The following ZFHX3 variants were observed in gnomAD, a reference collection of about 807,000 sequenced individuals.
ZFHX3 encodes zinc finger homeobox 3, also known as zinc finger homeobox protein 3.
A neutral mutation model predicts 279.1 loss-of-function variants in ZFHX3; 42 were observed. That is an observed-to-expected ratio of 0.15 (90% CI 0.12 to 0.19). ZFHX3 has a LOEUF of 0.19. Ranked by LOEUF, ZFHX3 falls within the 10% of genes least tolerant of loss-of-function variation. The pLI is 1.00. For synonymous variants in ZFHX3, 2,293 were observed against 1,957.8 expected, an observed-to-expected ratio of 1.17 and a Z score of -4.52; for missense variants, 4,981 against 4,754.0, an observed-to-expected ratio of 1.05 and a Z score of -1.40.
intron 3 of ZFHX3, among the ~76,000 whole-genome samples, chr16:73,372,276 A>C (rs1460451780): frequency 6.6e-6 from 1 of 152,194 alleles, no homozygotes; most frequent in Admixed American, 6.5e-5. Context: ...CATGTCTGTG[A>C]TCTATTAAAC....
intron 4 of ZFHX3, among the ~76,000 whole-genome samples, chr16:72,867,751 G>C (rs1332991462): frequency 6.6e-6 from 1 of 151,654 alleles, no homozygotes; most frequent in Non-Finnish European, 1.5e-5. Flanking sequence ...AAGAAGAAGG[G>C]ATGCTGTCTG....
intron 7 of ZFHX3, chr16:72,809,324 C>T (rs1264785832): frequency 6.6e-6 from 1 of 152,138 alleles, no homozygotes; most frequent in Non-Finnish European, 1.5e-5. Flanking sequence ...CTTCCCTCCC[C>T]ACATCTCTTT....
At chr16:72,951,203 T>C (rs905646811) in intron 2 of ZFHX3, among the ~76,000 whole-genome samples, 8 of 152,226 alleles carry the variant, frequency 5.3e-5, no homozygotes, top group Admixed American at 4.6e-4. Context: ...TGTATTTTCT[T>C]TCTTTAGGAA....
At chr16:73,783,537 C>A (rs1389458620) in intron 1 of ZFHX3, among the ~76,000 whole-genome samples, 3 of 152,116 alleles carry the variant, frequency 2.0e-5, no homozygotes, top group African/African-American at 7.2e-5. Flanking sequence ...CTGGAAAAAC[C>A]CCAGAGGGAA....
intron 3 of ZFHX3, among the ~76,000 whole-genome samples, chr16:73,366,453 T>TG (rs1261451842): frequency 5.3e-5 from 8 of 152,034 alleles, no homozygotes; most frequent in Non-Finnish European, 1.2e-4. Context: ...AGACAGGGGC[T>TG]GGGCATGGTG....
intron 1 of ZFHX3, among the ~76,000 whole-genome samples, chr16:73,819,021 T>C (rs1960659373): frequency 6.6e-6 from 1 of 152,162 alleles, no homozygotes; most frequent in Non-Finnish European, 1.5e-5. Context: ...TTGATCTCTG[T>C]GTCCAAGCAC....
intron 4 of ZFHX3, among the ~76,000 whole-genome samples, chr16:73,308,266 TA>T (rs2015237560): frequency 1.0e-3 from 26 of 25,884 alleles, no homozygotes; most frequent in Admixed American, 2.9e-3. Context: ...TATATATATA[TA>T]TATATATATA....
intron 4 of ZFHX3, among the ~76,000 whole-genome samples, chr16:72,839,436 C>A (rs2037288399): frequency 6.6e-6 from 1 of 152,098 alleles, no homozygotes; most frequent in Non-Finnish European, 1.5e-5. Context: ...TAACCTCACA[C>A]CAAACTGGAA....
chr16:73,397,603 C>T (rs1158755848), intron 3 of ZFHX3, among the ~76,000 whole-genome samples: 2 of 152,110 alleles, frequency 1.3e-5, no homozygotes, highest in East Asian at 3.9e-4. Context: ...GACAGAATGG[C>T]AGTGGTTCAG....
chr16:73,580,841 T>G (rs760331939), intron 2 of ZFHX3, among the ~76,000 whole-genome samples: 3 of 151,864 alleles, frequency 2.0e-5, no homozygotes, highest in Non-Finnish European at 2.9e-5. Flanking sequence ...CATTCATGTG[T>G]TTTTGTGTTC....
intron 2 of ZFHX3, among the ~76,000 whole-genome samples, chr16:73,505,487 T>C (rs2019310814): frequency 6.6e-6 from 1 of 151,680 alleles, no homozygotes; most frequent in African/African-American, 2.4e-5. Flanking sequence ...TCCTTATTCC[T>C]AAGAAACCTG....
chr16:73,504,810 G>GT (rs2019296850), intron 2 of ZFHX3: 1 of 152,228 alleles, frequency 6.6e-6, no homozygotes, highest in Non-Finnish European at 1.5e-5. Flanking sequence ...GGAGTGCTTG[G>GT]TTGGGGGGGC....
At chr16:73,527,634 G>GCTGT (rs1202710949) in intron 2 of ZFHX3, among the ~76,000 whole-genome samples, 1 of 152,150 alleles carries the variant, frequency 6.6e-6, no homozygotes, top group Non-Finnish European at 1.5e-5. Flanking sequence ...CTACTAAAAG[G>GCTGT]CTGTGGCTTC....
intron 8 of ZFHX3, among the ~76,000 whole-genome samples, chr16:73,072,444 C>CAA (rs71156138): frequency 1.0e-5 from 1 of 97,758 alleles, no homozygotes; most frequent in Admixed American, 9.9e-5. Context: ...AACTCCGTCT[C>CAA]AAAAAAAAAA....
At chr16:73,539,261 C>T (rs1407179399) in intron 2 of ZFHX3, among the ~76,000 whole-genome samples, 1 of 151,806 alleles carries the variant, frequency 6.6e-6, no homozygotes, top group African/African-American at 2.4e-5. Flanking sequence ...TGCATTCAAG[C>T]CATGAGTTTG....
At chr16:73,170,746 C>G (rs1814087724) in intron 5 of ZFHX3, among the ~76,000 whole-genome samples, 1 of 152,262 alleles carries the variant, frequency 6.6e-6, no homozygotes, top group African/African-American at 2.4e-5. Context: ...ACCTCGGGAT[C>G]TTCCTGTCTG....
At chr16:73,112,649 G>A (rs1966388366) in intron 7 of ZFHX3, among the ~76,000 whole-genome samples, 1 of 146,482 alleles carries the variant, frequency 6.8e-6, no homozygotes, top group Non-Finnish European at 1.5e-5. Flanking sequence ...CCGGGAGGTG[G>A]AGGTTGCAGT....
chr16:73,485,170 G>C (rs2018950948), intron 2 of ZFHX3, among the ~76,000 whole-genome samples: 1 of 152,112 alleles, frequency 6.6e-6, no homozygotes, highest in South Asian at 2.1e-4. Flanking sequence ...TGAAAAATGA[G>C]TAAGAGGAAA....
chr16:73,524,501 C>G (rs567026950), intron 2 of ZFHX3, among the ~76,000 whole-genome samples: 4 of 152,326 alleles, frequency 2.6e-5, no homozygotes, highest in African/African-American at 9.6e-5. Flanking sequence ...GTCCCTACCA[C>G]TTCCCAAAGA....
Sources: allele counts gnomAD v4.1 joint callset (sites outside exome capture counted in the v4.1 genomes callset), GRCh38; gene constraint gnomAD v4.1.1; transcripts MANE v1.5; gene names NCBI Gene and HGNC (gene_info 2026-07-23, HGNC 2026-07-21).